ALDH16A1: variants seen among roughly 807,000 people sequenced by gnomAD.
ALDH16A1 encodes the protein aldehyde dehydrogenase 16 family member A1.
ALDH16A1 carries 88 observed loss-of-function variants against 96.1 expected under a neutral mutation model. The observed-to-expected ratio is 0.92, with a 90% CI of 0.77 to 1.09. The LOEUF (loss-of-function observed/expected upper bound fraction) is 1.09, where lower values mean the gene tolerates loss of function less well. Among genes scored for constraint, ALDH16A1 ranks in the 50% least tolerant of loss-of-function variants. The pLI is 0.00. For synonymous variants in ALDH16A1, 522 were observed against 496.4 expected (o/e 1.05, Z -0.69); for missense variants, 1,250 against 1,112.6 (o/e 1.12, Z -1.76).
In ALDH16A1 at chr19:49,470,416, G is replaced by A. The variant is rs2079236070; in HGVS notation, c.2358G>A (p.Leu786=). 1 of 1,607,926 alleles carries A rather than the reference G, an allele frequency of 6.2e-7. No homozygotes were observed. The highest frequency in any genetic ancestry group is 8.5e-7 in the Non-Finnish European group (1 of 1,177,946). ...DQEAEGAGPE[L]GLRVARTKAL... ...AGGCCGAGGGGGCAGGCCCAGAGCT[G>A]GGGCTGCGAGTGGCGCGGACCAAGG... The change falls in exon 17 of 17, where the codon CTG becomes CTA. Residue 786 remains leucine (L), a synonymous_variant. Transcript: ENST00000293350.
intron 8 of ALDH16A1, 53 bp from the exon 9 acceptor site, chr19:49,463,801 G>C (rs183979749): frequency 3.9e-6 from 6 of 1,551,108 alleles, no homozygotes; most frequent in African/African-American, 2.7e-5. Flanking sequence ...TGCAGTCCTC[G>C]GTCTCAGCAG....
chr19:49,467,553 C>A (rs534390927), intron 14 of ALDH16A1, among the ~76,000 whole-genome samples: 2 of 151,582 alleles, frequency 1.3e-5, no homozygotes, highest in South Asian at 2.1e-4. Flanking sequence ...CACCACCACA[C>A]CCGGCTAATT....
At position 49,468,218 on chromosome 19, in the gene ALDH16A1, T is replaced by A; in HGVS notation, c.1939-163T>A. ...ATGTTTCTCACCGCCCGAACCCCCG[T>A]GGAATGATTCACTTTGACCAGCGTC... On this transcript the variant is annotated intron_variant, in intron 14 of 16. Coordinates refer to ENST00000293350, the MANE Select transcript of ALDH16A1 (RefSeq NM_153329.4). This position sits in a 1 kb window ranked among gnomAD's most constrained non-coding sequence, Gnocchi z 4.4. The A allele has an allele frequency of 1.5e-6, 1 of 649,550 alleles. No individual in the cohort carries two copies. Among genetic ancestry groups the A allele is most frequent in the South Asian group, 2.0e-5 (1 of 49,904 alleles). 40.2% of individuals were successfully genotyped at this position (649,550 alleles called of 1,614,324 possible).
In ALDH16A1 at chr19:49,453,229, C is replaced by A; in HGVS notation, c.-103C>A. ...TAGCCCCACCCCATTCCCATTAGCC[C>A]CGCCCCTTTGGGCTGGAACCGGAGG... is the stretch of plus-strand genomic sequence containing the variant. On this transcript the variant is annotated 5_prime_UTR_variant, in exon 1 of 17. Coordinates refer to ENST00000293350, the MANE Select transcript of ALDH16A1 (RefSeq NM_153329.4). 1.9e-6 allele frequency: 2 copies of A among 1,062,194 alleles called. No homozygotes were observed. Among genetic ancestry groups the A allele is most frequent in the Non-Finnish European group, 2.7e-6 (2 of 752,848 alleles). 65.8% of individuals were successfully genotyped at this position (1,062,194 alleles called of 1,614,324 possible).
intron 16 of ALDH16A1, chr19:49,469,591 TTTTTTTTGAGACAGAGTCTCAC>T (rs1367120660): frequency 8.1e-6 from 1 of 124,024 alleles, no homozygotes; most frequent in Non-Finnish European, 1.7e-5. Context: ...TTTTATTTTA[TTTTTTTTGAGACAGAGTCTCAC>T]TCTGTCGCCC....
chr19:49,470,498 A>G lies in ALDH16A1; in HGVS notation c.*31A>G. On this transcript the variant is annotated 3_prime_UTR_variant, in exon 17 of 17. Coordinates refer to ENST00000293350, the MANE Select transcript of ALDH16A1 (RefSeq NM_153329.4). ...GAGCGCCACCTACTGCATTTTGGAC[A>G]CCTCACACCAAGGGGAGATGCACCC... 1 of 1,490,790 alleles carries G rather than the reference A, an allele frequency of 6.7e-7. No individual in the cohort carries two copies. Among genetic ancestry groups the G allele is most frequent in the African/African-American group, 1.4e-5 (1 of 70,430 alleles). The allele number at this position is 1,490,790 out of a possible 1,614,324, so 92.3% of individuals were successfully genotyped here.
intron 5 of ALDH16A1, 86 bp downstream of exon 5, chr19:49,460,985 G>A (rs2079136770): frequency 2.8e-6 from 4 of 1,411,552 alleles, no homozygotes; most frequent in Non-Finnish European, 4.0e-6. Flanking sequence ...TGAGAGACAA[G>A]GGGGCTGGAG....
chr19:49,464,691 G>A lies in ALDH16A1; in HGVS notation c.1497G>A (p.Lys499=). 1 of 1,613,594 alleles carries A rather than the reference G, an allele frequency of 6.2e-7. No individual in the cohort carries two copies. Among genetic ancestry groups the A allele is most frequent in the South Asian group, 1.1e-5 (1 of 91,082 alleles). The change falls in exon 12 of 17, where the codon AAG becomes AAA. Residue 499 remains lysine, a synonymous_variant. Transcript: ENST00000293350. ...GTPARLSCLS[K]NLNYDTFGLA... ...CTGCCCGGCTGTCCTGCCTCTCCAA[G>A]AACCTGAACTATGACACCTTTGGCC... is the stretch of plus-strand genomic sequence containing the variant.
chr19:49,460,987 G>A (rs1031208975), intron 5 of ALDH16A1, 88 bp downstream of exon 5: 2 of 1,411,704 alleles, frequency 1.4e-6, no homozygotes, highest in Non-Finnish European at 2.0e-6. Context: ...AGAGACAAGG[G>A]GGCTGGAGGC....
chr19:49,462,648 C>G lies in ALDH16A1; in HGVS notation c.991C>G (p.Arg331Gly), dbSNP rs768705914. The change falls in exon 8 of 17, where the codon CGG becomes GGG. Residue 331 changes from arginine to glycine, a missense_variant. Coordinates refer to ENST00000293350, the MANE Select transcript of ALDH16A1 (RefSeq NM_153329.4). ...GCTGCAGGAGCGGATGGGGCGGCTT[C>G]GGAGTGGCCGAGGGCTGGATGGGGC... is the stretch of plus-strand genomic sequence containing the variant. ...RRLQERMGRLRSGRGLDGAVD... is the reference protein window; with the variant it reads ...RRLQERMGRLGSGRGLDGAVD... 1.2e-6 allele frequency: 2 copies of G among 1,612,248 alleles called. No homozygotes were observed. Among genetic ancestry groups the G allele is most frequent in the Non-Finnish European group, 1.7e-6 (2 of 1,179,854 alleles).
chr19:49,453,267 G>A lies in ALDH16A1; in HGVS notation c.-65G>A, dbSNP rs2079081326. The A allele has an allele frequency of 7.0e-7, 1 of 1,420,472 alleles. No individual in the cohort carries two copies. Among genetic ancestry groups the A allele is most frequent in the Non-Finnish European group, 9.5e-7 (1 of 1,058,124 alleles). 88.0% of individuals were successfully genotyped at this position (1,420,472 alleles called of 1,614,324 possible). On this transcript the variant is annotated 5_prime_UTR_variant, in exon 1 of 17. Coordinates refer to ENST00000293350, the MANE Select transcript of ALDH16A1 (RefSeq NM_153329.4). Reference sequence around the variant, plus strand: ...CTGGAACCGGAGGTGTCGCTCTTCGGACCTCAAGGTTCCCCTTAACACAGA... The same window carrying A: ...CTGGAACCGGAGGTGTCGCTCTTCGAACCTCAAGGTTCCCCTTAACACAGA...
chr19:49,453,671 G>A (rs1205415035), intron 1 of ALDH16A1, among the ~76,000 whole-genome samples: 4 of 152,160 alleles, frequency 2.6e-5, no homozygotes, highest in African/African-American at 7.2e-5. Flanking sequence ...TCCTCGTAGT[G>A]TTTCCGCGGT....
chr19:49,459,866 CTA>C lies in ALDH16A1; in HGVS notation c.499+19_499+20del, dbSNP rs753783377. 5.0e-6 allele frequency: 8 copies of C among 1,606,670 alleles called. No individual in the cohort carries two copies. The East Asian group carries it at 1.8e-4, about 36-fold the overall frequency. On this transcript the variant is annotated intron_variant, in intron 4 of 16. Transcript: ENST00000293350. This position sits in a 1 kb window ranked among gnomAD's most constrained non-coding sequence, Gnocchi z 4.1. ...GCCCATGGGTGAGACCCTGGAGTCC[CTA>C]GCCCTATCCTCCCACATGACTCAGC...
At chr19:49,455,214 G>A (rs537407093) in intron 1 of ALDH16A1, among the ~76,000 whole-genome samples, 8 of 151,398 alleles carry the variant, frequency 5.3e-5, no homozygotes, top group South Asian at 2.1e-4. Context: ...TCAGGAGATC[G>A]AGACCAGCCT....
intron 1 of ALDH16A1, 74 bp from the exon 2 acceptor site, chr19:49,458,412 G>A (rs1038234267): frequency 8.5e-7 from 1 of 1,171,878 alleles, no homozygotes; most frequent in African/African-American, 1.5e-5. Context: ...TCCCCTCCTA[G>A]AGGATTCTGG....
At position 49,459,438 on chromosome 19, in the gene ALDH16A1, TTTCCCAAAAGCTTCAGGGATTTCC is replaced by T. The variant is rs1196025747; in HGVS notation, c.321-231_321-208del. Among the ~76,000 whole-genome samples, 5 of 152,194 alleles carry T rather than the reference TTTCCCAAAAGCTTCAGGGATTTCC, an allele frequency of 3.3e-5. No individual in the cohort carries two copies. The highest frequency in any genetic ancestry group is 5.9e-5 in the Non-Finnish European group (4 of 68,042). On this transcript the variant is annotated intron_variant, in intron 3 of 16. Coordinates refer to ENST00000293350, the MANE Select transcript of ALDH16A1 (RefSeq NM_153329.4). The surrounding 1 kb of genome is among the most constrained non-coding windows in gnomAD (Gnocchi z 4.1). ...ATTGAGGTTAGAAGCTAAGACTCAA[TTTCCCAAAAGCTTCAGGGATTTCC>T]GGCGGCCAAGACCTTTACACAGCAT...
intron 16 of ALDH16A1, 117 bp downstream of exon 16, chr19:49,469,103 T>C: frequency 6.9e-7 from 1 of 1,444,788 alleles, no homozygotes; most frequent in Non-Finnish European, 9.2e-7. Context: ...AGAAACTCCT[T>C]GACAAGAAGG....
intron 1 of ALDH16A1, among the ~76,000 whole-genome samples, chr19:49,457,480 G>A (rs1018027790): frequency 6.6e-6 from 1 of 151,168 alleles, no homozygotes; most frequent in Non-Finnish European, 1.5e-5. Context: ...TCCAGGAGGC[G>A]GACCTTGCAG....
At chr19:49,469,623 C>G (rs1335389862) in intron 16 of ALDH16A1, 1 of 150,000 alleles carries the variant, frequency 6.7e-6, no homozygotes, top group African/African-American at 2.5e-5. Context: ...CTCTGTCGCC[C>G]AGGCTGGAAT....
Sources: gnomAD v4.1 joint callset for allele counts (sites outside exome capture counted in the v4.1 genomes callset) on GRCh38, gnomAD v4.1.1 for gene constraint, Gnocchi (gnomAD v3.1) non-coding constraint, MANE v1.5 for transcripts, NCBI Gene and HGNC (gene_info 2026-07-23, HGNC 2026-07-21) for gene names.